RASSF3: variants seen among roughly 807,000 people sequenced by gnomAD.
RASSF3 encodes Ras association domain family member 3, also known as ras association domain-containing protein 3.
Under a neutral mutation model 19.9 loss-of-function variants are expected in RASSF3, and 19 were observed. The ratio of observed to expected loss-of-function variants is 0.96; its 90% CI spans 0.67 to 1.40. The LOEUF is 1.40. RASSF3 is among the 40% of genes most tolerant of loss of function. RASSF3 has a pLI of 0.00. For missense variants in RASSF3, 306 were observed against 289.8 expected (o/e 1.06, Z -0.41); for synonymous variants, 110 against 104.2 (o/e 1.06, Z -0.34).
At position 64,635,785 on chromosome 12, in the gene RASSF3, G is replaced by T. The variant is rs370667799; in HGVS notation, c.111+25042G>T. On this transcript the variant is annotated intron_variant, in intron 1 of 4. Transcript: ENST00000542104. ...GGATGAGGACTTTGTGCATGTGTGTGGAGCCTGGGCTGTGAGGGTCAAGGG... is the reference window on the plus strand; with the variant it reads ...GGATGAGGACTTTGTGCATGTGTGTTGAGCCTGGGCTGTGAGGGTCAAGGG... 3.9e-5 allele frequency among the ~76,000 whole-genome samples: 6 copies of T among 152,248 alleles called. No individual in the cohort carries two copies. The East Asian group carries it at 1.2e-3, about 29-fold the overall frequency.
Position 64,623,561 on chromosome 12 carries a change from T to A in RASSF3, c.111+12818T>A, listed in dbSNP as rs553056057. The stretch of plus-strand genomic sequence containing the variant: ...TCCATTTAAGGTCTGTTTCTGTTTG[T>A]TCAGACAGGCTTGTGGATTGCTTTT... On this transcript the variant is annotated intron_variant, in intron 1 of 4. Transcript: ENST00000542104. Among the ~76,000 whole-genome samples the A allele has an allele frequency of 1.3e-3, 200 of 152,330 alleles. 1 individual carries two copies. Among genetic ancestry groups the A allele is most frequent in the Middle Eastern group, 3.4e-3 (1 of 294 alleles).
chr12:64,635,515 G>A lies in RASSF3; in HGVS notation c.111+24772G>A, dbSNP rs116414321. ...GAGCACGCTGCTGTTGATAAGGATG[G>A]CTCACATTTATGGTACACTTGCAAT... is the stretch of plus-strand genomic sequence containing the variant. On this transcript the variant is annotated intron_variant, in intron 1 of 4. Coordinates refer to ENST00000542104, the MANE Select transcript of RASSF3 (RefSeq NM_178169.4). Among the ~76,000 whole-genome samples the A allele has an allele frequency of 9.4e-3, 1,428 of 152,244 alleles. 33 individuals carry two copies. The highest frequency in any genetic ancestry group is 0.032 in the African/African-American group (1,347 of 41,550).
intron 1 of RASSF3, among the ~76,000 whole-genome samples, chr12:64,680,706 C>G (rs927846518): frequency 6.6e-6 from 1 of 151,904 alleles, no homozygotes; most frequent in Admixed American, 6.6e-5. Context: ...CTCCGCCTCC[C>G]GGTTTCAAGC....
intron 2 of RASSF3, among the ~76,000 whole-genome samples, chr12:64,562,978 A>G (rs1210937588): frequency 6.6e-6 from 1 of 151,772 alleles, no homozygotes; most frequent in Non-Finnish European, 1.5e-5. Context: ...AGCAAATTCA[A>G]TTGTCTCTGT....
intron 1 of RASSF3, among the ~76,000 whole-genome samples, chr12:64,642,410 A>G (rs1426409400): frequency 6.6e-6 from 1 of 151,720 alleles, no homozygotes; most frequent in Non-Finnish European, 1.5e-5. Context: ...AAATACAAAA[A>G]TTAGCTGGGC....
chr12:64,524,373 C>T (rs1221554437), intron 1 of RASSF3, among the ~76,000 whole-genome samples: 2 of 151,936 alleles, frequency 1.3e-5, no homozygotes, highest in Non-Finnish European at 2.9e-5. Context: ...AGGCATGAGC[C>T]ACCGCGCCCA....
chr12:64,512,352 G>A (rs969837410), intron 1 of RASSF3, among the ~76,000 whole-genome samples: 12 of 152,198 alleles, frequency 7.9e-5, no homozygotes, highest in African/African-American at 2.4e-4. Context: ...GCACAGTGGC[G>A]CATGCCTTTA....
intron 1 of RASSF3, among the ~76,000 whole-genome samples, chr12:64,683,535 C>T (rs777759203): frequency 2.6e-5 from 4 of 152,098 alleles, no homozygotes; most frequent in Non-Finnish European, 5.9e-5. Flanking sequence ...GTATCTTGGC[C>T]TGGGGATTTG....
chr12:64,684,065 GTTC>G (rs1431389352), intron 1 of RASSF3, among the ~76,000 whole-genome samples: 4 of 149,550 alleles, frequency 2.7e-5, no homozygotes, highest in East Asian at 2.0e-4. Flanking sequence ...GAACAATAAG[GTTC>G]TTCTTGTGTG....
chr12:64,550,838 G>GA (rs1208112067), intron 2 of RASSF3, among the ~76,000 whole-genome samples: 1 of 111,906 alleles, frequency 8.9e-6, no homozygotes, highest in Non-Finnish European at 1.7e-5. Flanking sequence ...AAAAAAGAAA[G>GA]AAAGAAAGGA....
Position 64,691,492 on chromosome 12 carries a change from C to T in RASSF3, c.480C>T (p.Asp160=), listed in dbSNP as rs756931687. ...CAGTCTACGCCTGCAAGCTCTCAGA[C>T]CGGGAACATCCACTCTACCTGCGTT... is the stretch of plus-strand genomic sequence containing the variant. ...EDQVYACKLS[D]REHPLYLRLV... Residue 160 remains aspartate (D), a synonymous_variant, in exon 4 of 5, where the codon GAC becomes GAT. Transcript: ENST00000542104. 8.1e-6 allele frequency: 13 copies of T among 1,613,852 alleles called. No individual in the cohort carries two copies. Among genetic ancestry groups the T allele is most frequent in the Admixed American group, 1.7e-5 (1 of 60,012 alleles).
Position 64,587,698 on chromosome 12 carries a change from C to T in RASSF3, c.294+45993C>T, listed in dbSNP as rs532301598. On this transcript the variant is annotated intron_variant, in intron 2 of 5. Coordinates refer to the RASSF3 transcript ENST00000637125. ...TGGTGGTTTGTGGGCATTTGCCTGG[C>T]TGTTAAGCTTCCACAGTTGTGGCTT... Among the ~76,000 whole-genome samples, 15 of 152,304 alleles carry T rather than the reference C, an allele frequency of 9.8e-5. 1 individual carries two copies. The East Asian group carries it at 2.3e-3, about 23-fold the overall frequency.
At chr12:64,573,533 G>GTTC (rs1869552006) in intron 2 of RASSF3, among the ~76,000 whole-genome samples, 1 of 152,162 alleles carries the variant, frequency 6.6e-6, no homozygotes, top group African/African-American at 2.4e-5. Context: ...TGCCACAATT[G>GTTC]TTCTACATGT....
At chr12:64,531,075 C>T (rs1229241629), upstream of RASSF3, among the ~76,000 whole-genome samples, 10 of 152,050 alleles carry the variant, frequency 6.6e-5, no homozygotes, top group African/African-American at 2.2e-4. Flanking sequence ...ATTTTTTCTT[C>T]TATGAATTGT....
intron 1 of RASSF3, among the ~76,000 whole-genome samples, chr12:64,624,762 C>T (rs1307806371): frequency 6.6e-6 from 1 of 152,060 alleles, no homozygotes; most frequent in East Asian, 1.9e-4. Context: ...TGGGTTATGC[C>T]ATTCTCCTGC....
At chr12:64,660,055 T>TAC (rs1872299716) in intron 1 of RASSF3, among the ~76,000 whole-genome samples, 1 of 149,066 alleles carries the variant, frequency 6.7e-6, no homozygotes, top group South Asian at 2.2e-4. Context: ...TGTGTATGTA[T>TAC]ATATATATGT....
intron 1 of RASSF3, among the ~76,000 whole-genome samples, chr12:64,617,635 G>A (rs1006037396): frequency 1.3e-5 from 2 of 152,172 alleles, no homozygotes; most frequent in South Asian, 2.1e-4. Flanking sequence ...TCCACTCACC[G>A]CAACCTCTGC....
At chr12:64,679,606 G>C (rs1374172112) in intron 1 of RASSF3, among the ~76,000 whole-genome samples, 1 of 152,076 alleles carries the variant, frequency 6.6e-6, no homozygotes, top group Non-Finnish European at 1.5e-5. Context: ...GTGCCTGTGA[G>C]GTTGGGTGTG....
intron 2 of RASSF3, among the ~76,000 whole-genome samples, chr12:64,565,130 A>T (rs1403256214): frequency 6.6e-6 from 1 of 151,696 alleles, no homozygotes; most frequent in African/African-American, 2.4e-5. Flanking sequence ...GGCACACTTA[A>T]GTAGTAGAAG....
Sources: gnomAD v4.1 joint callset for allele counts (sites outside exome capture counted in the v4.1 genomes callset) on GRCh38, gnomAD v4.1.1 for gene constraint, MANE v1.5 for transcripts, NCBI Gene and HGNC (gene_info 2026-07-23, HGNC 2026-07-21) for gene names.